FANCA: variants seen among roughly 807,000 people sequenced by gnomAD.
The protein encoded by FANCA is Fanconi anemia group A protein.
Under a neutral mutation model 194.3 loss-of-function variants are expected in FANCA, and 236 were observed. That is an observed-to-expected ratio of 1.21 (90% CI 1.09 to 1.35). The LOEUF is 1.35. Among genes scored for constraint, FANCA ranks in the 40% most tolerant of loss-of-function variants. The probability of loss-of-function intolerance (pLI) is 0.00; values close to 1 mark genes in which losing one functional copy is unlikely to be tolerated. For missense variants in FANCA, 2,628 were observed against 1,813.9 expected (o/e 1.45, Z -8.15); for synonymous variants, 1,014 against 715.8 (o/e 1.42, Z -6.65).
Position 89,792,499 on chromosome 16 carries a change from T to C in FANCA, c.1055A>G (p.His352Arg), listed in dbSNP as rs922504647. 21 of 1,613,036 alleles carry C rather than the reference T, an allele frequency of 1.3e-5. No homozygotes were observed. Among genetic ancestry groups the C allele is most frequent in the African/African-American group, 1.1e-4 (8 of 74,794 alleles). ...GCGGTACAGTGAGGTGAGCAGAGGG[T>C]GTGTCCGCGCAAAGCTCCACTCTCT... ...MQREWSFARTHPLLTSLYRRL... is the reference protein window; with the variant it reads ...MQREWSFARTRPLLTSLYRRL... The change falls in exon 12 of 43, where the codon CAC (histidine) becomes CGC (arginine). Residue 352 changes from histidine to arginine, a missense_variant. Transcript: ENST00000389301.
At chr16:89,806,949 C>G (rs2040675982) in intron 6 of FANCA, among the ~76,000 whole-genome samples, 1 of 152,142 alleles carries the variant, frequency 6.6e-6, no homozygotes, top group Admixed American at 6.5e-5. Context: ...CCCCTCACCT[C>G]CTGGACAGGG....
At chr16:89,783,231 G>A (rs1413504581) in intron 15 of FANCA, 129 bp from the exon 16 acceptor site, 5 of 742,516 alleles carry the variant, frequency 6.7e-6, no homozygotes, top group South Asian at 2.9e-5. Flanking sequence ...TCAGACTTAT[G>A]AGTATGCAAA....
intron 5 of FANCA, among the ~76,000 whole-genome samples, chr16:89,808,906 C>T (rs916369596): frequency 2.0e-5 from 3 of 151,508 alleles, no homozygotes; most frequent in Admixed American, 2.0e-4. Context: ...CTAACTCACA[C>T]TCTATTTTTT....
intron 33 of FANCA, among the ~76,000 whole-genome samples, chr16:89,747,897 C>T (rs767734408): frequency 2.6e-5 from 4 of 152,008 alleles, no homozygotes; most frequent in Non-Finnish European, 5.9e-5. Flanking sequence ...CTACGCTGCC[C>T]GTCCCCACAG....
At chr16:89,764,702 G>C (rs992984154) in intron 28 of FANCA, 188 bp downstream of exon 28, 2 of 728,072 alleles carry the variant, frequency 2.7e-6, no homozygotes, top group East Asian at 5.3e-5. Flanking sequence ...CCTCTGAGGA[G>C]ACAGTCGGCA....
intron 11 of FANCA, among the ~76,000 whole-genome samples, chr16:89,793,665 C>T (rs1404076307): frequency 6.6e-6 from 1 of 151,796 alleles, no homozygotes; most frequent in Non-Finnish European, 1.5e-5. Flanking sequence ...ACCACAGCCT[C>T]GACCTCCCTG....
intron 10 of FANCA, among the ~76,000 whole-genome samples, chr16:89,796,344 G>A (rs998143160): frequency 2.0e-5 from 3 of 152,174 alleles, no homozygotes; most frequent in Non-Finnish European, 2.9e-5. Flanking sequence ...GCACCCGGGA[G>A]TGGAGCCCCG....
chr16:89,739,144 G>C lies in FANCA; in HGVS notation c.4156C>G (p.Leu1386Val). 6.2e-7 allele frequency: 1 copy of C among 1,614,138 alleles called. No individual in the cohort carries two copies. The highest frequency in any genetic ancestry group is 8.5e-7 in the Non-Finnish European group (1 of 1,180,022). The change falls in exon 41 of 43, where the codon CTC becomes GTC. Residue 1386 changes from leucine to valine, a missense_variant. Leu to Val is a conservative substitution (Grantham distance 32). Transcript: ENST00000389301. ...GCCCTTGCACCTGCCTGACCCTTGA[G>C]CTCCAGGCTCCTGCCAGCTGGAGGT... ...VSPPAGRSLE[L>V]KGQGNPVELI...
At chr16:89,802,429 G>A (rs1218572369) in intron 8 of FANCA, among the ~76,000 whole-genome samples, 1 of 151,592 alleles carries the variant, frequency 6.6e-6, no homozygotes, top group Non-Finnish European at 1.5e-5. Context: ...TTTCTGAGAT[G>A]GAGTCTCTGT....
chr16:89,750,003 G>T, intron 31 of FANCA, 101 bp from the exon 32 acceptor site: 1 of 1,214,650 alleles, frequency 8.2e-7, no homozygotes. Flanking sequence ...CTCCACAGTG[G>T]ACAGGGCAAG....
intron 33 of FANCA, among the ~76,000 whole-genome samples, chr16:89,748,033 T>G (rs2038450745): frequency 6.6e-6 from 1 of 152,178 alleles, no homozygotes; most frequent in African/African-American, 2.4e-5. Flanking sequence ...TGACCCAGCC[T>G]CTCAAGTAGG....
chr16:89,779,079 T>G, intron 18 of FANCA, 76 bp from the exon 19 acceptor site: 1 of 1,417,004 alleles, frequency 7.1e-7, no homozygotes, highest in African/African-American at 1.4e-5. Flanking sequence ...GACCGGTGTT[T>G]CAGAGAGTGG....
chr16:89,776,159 C>CTCTTT (rs768237452), intron 20 of FANCA, among the ~76,000 whole-genome samples: 5 of 93,306 alleles, frequency 5.4e-5, no homozygotes, highest in Non-Finnish European at 1.1e-4. Context: ...CTTTGTTTTT[C>CTCTTT]TTTTTTTTTT....
chr16:89,759,779 G>A (rs919142810), intron 29 of FANCA, among the ~76,000 whole-genome samples: 21 of 152,212 alleles, frequency 1.4e-4, no homozygotes, highest in Admixed American at 1.1e-3. Flanking sequence ...AAACAAATCC[G>A]CAGTGCACAG....
In FANCA at chr16:89,739,491, A is replaced by G. The variant is rs576079738; in HGVS notation, c.3997T>C (p.Phe1333Leu). The G allele has an allele frequency of 4.5e-6, 7 of 1,551,206 alleles. No homozygotes were observed. In the African/African-American group the frequency reaches 9.6e-5, roughly 21 times the overall value. Residue 1333 changes from phenylalanine to leucine, a missense_variant, in exon 40 of 43, where the codon TTC (phenylalanine) becomes CTC (leucine). Physicochemically the swap from Phe to Leu is conservative, Grantham distance 22. Transcript: ENST00000389301. The stretch of plus-strand genomic sequence containing the variant: ...GGGTGGAGGTACCTGTAAAAAGCGA[A>G]AGGCAGCAGCCTGGTGTGCTGATCC... ...APDQHTRLLP[F>L]AFYSLLSYFH...
chr16:89,784,474 C>CA (rs1598139901), intron 15 of FANCA, among the ~76,000 whole-genome samples: 2 of 148,026 alleles, frequency 1.4e-5, no homozygotes, highest in East Asian at 4.0e-4. Context: ...CACTGCAGTA[C>CA]AACTCGCTCT....
At position 89,791,047 on chromosome 16, in the gene FANCA, TTG is replaced by T; in HGVS notation, c.1359+354_1359+355del. On this transcript the variant is annotated intron_variant, in intron 14 of 42. Coordinates refer to ENST00000389301, the MANE Select transcript of FANCA (RefSeq NM_000135.4). Reference sequence around the variant, plus strand: ...TGTTTTTTTTTTTTTTTTTTTTTTTTTGGTGGAGATGAGGTTTCACTATGGTG... The same window carrying T: ...TGTTTTTTTTTTTTTTTTTTTTTTTTGTGGAGATGAGGTTTCACTATGGTG... 5 of 166,330 alleles carry T rather than the reference TTG, an allele frequency of 3.0e-5. No individual in the cohort carries two copies. The East Asian group carries it at 4.5e-4, about 15-fold the overall frequency. 10.3% of individuals were successfully genotyped at this position (166,330 alleles called of 1,614,324 possible). A position where few individuals can be genotyped will look rare whatever the true frequency, so the allele number is the denominator to read the frequency against.
At position 89,773,334 on chromosome 16, in the gene FANCA, C is replaced by G. The variant is rs140785340; in HGVS notation, c.1951G>C (p.Gly651Arg). Reference sequence around the variant, plus strand: ...TCTCCCAGTGCAGCTGTGAGCTGTCCCAGGGGCTCCTCAGCAGAGTTGGGT... The same window carrying G: ...TCTCCCAGTGCAGCTGTGAGCTGTCGCAGGGGCTCCTCAGCAGAGTTGGGT... Reference protein sequence around the residue: ...AEPNSAEEPLGQLTAALGELR... With the variant: ...AEPNSAEEPLRQLTAALGELR... The change falls in exon 22 of 43, where the codon GGA (glycine) becomes CGA (arginine). Residue 651 changes from glycine to arginine, a missense_variant. Transcript: ENST00000389301. The G allele has an allele frequency of 1.9e-6, 3 of 1,551,480 alleles. No homozygotes were observed. The African/African-American group carries it at 4.1e-5, about 21-fold the overall frequency.
chr16:89,793,756 T>G (rs568635840), intron 11 of FANCA, among the ~76,000 whole-genome samples: 4 of 151,932 alleles, frequency 2.6e-5, no homozygotes, highest in Non-Finnish European at 5.9e-5. Context: ...ACTTTTTGTA[T>G]TTTTATTTTT....
Sources: allele counts gnomAD v4.1 joint callset (sites outside exome capture counted in the v4.1 genomes callset), GRCh38; gene constraint gnomAD v4.1.1; transcripts MANE v1.5; gene names NCBI Gene and HGNC (gene_info 2026-07-23, HGNC 2026-07-21).